The following PRKCH variants were observed in gnomAD, a reference collection of about 807,000 sequenced individuals.
The protein encoded by PRKCH is protein kinase C eta type.
A neutral mutation model predicts 82.5 loss-of-function variants in PRKCH; 28 were observed. The observed-to-expected ratio is 0.34, with a 90% CI of 0.25 to 0.47. PRKCH has a LOEUF of 0.47. Ranked by LOEUF, PRKCH falls within the 20% of genes least tolerant of loss-of-function variation. The pLI is 1.00. For synonymous variants in PRKCH, 322 were observed against 327.4 expected, an observed-to-expected ratio of 0.98 and a Z score of 0.18; for missense variants, 705 against 881.8, an observed-to-expected ratio of 0.80 and a Z score of 2.54.
chr14:61,429,837 G>A (rs1437565884), intron 2 of PRKCH, among the ~76,000 whole-genome samples: 1 of 152,070 alleles, frequency 6.6e-6, no homozygotes, highest in African/African-American at 2.4e-5. Flanking sequence ...TAAAAACTTG[G>A]CAGAAGTGTG....
chr14:61,276,283 G>C (rs2045200981), intron 1 of PRKCH, among the ~76,000 whole-genome samples: 1 of 151,656 alleles, frequency 6.6e-6, no homozygotes, highest in African/African-American at 2.4e-5. Flanking sequence ...AGCCAGCTCT[G>C]TTTTAGGTAG....
At chr14:61,262,219 T>TAAAAAAA (rs1297799647) in intron 1 of PRKCH, among the ~76,000 whole-genome samples, 6,067 of 106,238 alleles carry the variant, frequency 0.057, 308 homozygotes, top group Non-Finnish European at 0.082. Context: ...AGACTCTGTA[T>TAAAAAAA]AAAAAAAAAA....
intron 3 of PRKCH, among the ~76,000 whole-genome samples, chr14:61,445,067 C>T (rs75170890): frequency 6.6e-5 from 10 of 152,212 alleles, no homozygotes; most frequent in Admixed American, 2.6e-4. Context: ...CTGGCACATC[C>T]TATGGGCTTA....
chr14:61,197,045 G>T (rs952115170), intron 1 of PRKCH, among the ~76,000 whole-genome samples: 3 of 152,062 alleles, frequency 2.0e-5, no homozygotes, highest in African/African-American at 7.2e-5. Context: ...TCAACAACTT[G>T]CTCAGCCGTC....
Position 61,453,221 on chromosome 14 carries a change from T to G in PRKCH, c.833-5T>G. ...ACATGGATTCTGTTTTCCTTTTCCC[T>G]CTAGTATGTAAAATGAATGTGCATA... On this transcript the variant is annotated splice_polypyrimidine_tract_variant and splice_region_variant and intron_variant, in intron 6 of 13. Coordinates refer to ENST00000332981, the MANE Select transcript of PRKCH (RefSeq NM_006255.5). 6.2e-7 allele frequency: 1 copy of G among 1,614,194 alleles called. No individual in the cohort carries two copies. The highest frequency in any genetic ancestry group is 8.5e-7 in the Non-Finnish European group (1 of 1,180,012).
In PRKCH at chr14:61,485,506, G is replaced by T; in HGVS notation, c.1283G>T (p.Arg428Leu). 6.2e-7 allele frequency: 1 copy of T among 1,613,766 alleles called. No individual in the cohort carries two copies. Among genetic ancestry groups the T allele is most frequent in the Non-Finnish European group, 8.5e-7 (1 of 1,179,862 alleles). Reference protein sequence around the residue: ...QLFCCFQTPDRLFFVMEFVNG... With the variant: ...QLFCCFQTPDLLFFVMEFVNG... ...CTCTCTTGTGTTTGTATCCAGGATC[G>T]TCTGTTTTTTGTGATGGAGTTTGTG... Residue 428 changes from arginine (R) to leucine (L), a missense_variant, in exon 10 of 14, where the codon CGT (arginine) becomes CTT (leucine). By Grantham distance (102) the Arg-to-Leu change is moderately radical (BLOSUM62 -2). Around this residue, in one of 5 missense-constraint regions of PRKCH, gnomAD observed 238 missense variants for 258.1 expected, o/e 0.92. Transcript: ENST00000332981.
At chr14:61,201,715 A>T (rs771308699) in intron 1 of PRKCH, among the ~76,000 whole-genome samples, 2 of 152,232 alleles carry the variant, frequency 1.3e-5, no homozygotes, top group Non-Finnish European at 2.9e-5. Flanking sequence ...AGAACTAAAA[A>T]TAAAAACAGG....
rs1292251212 is a variant in PRKCH at position 61,550,362 on chromosome 14, T to A, written c.*531T>A. 1 of 152,352 alleles carries A rather than the reference T, an allele frequency of 6.6e-6. No homozygotes were observed. The highest frequency in any genetic ancestry group is 1.5e-5 in the Non-Finnish European group (1 of 68,100). The allele number at this position is 152,352 out of a possible 1,614,324, so 9.4% of individuals were successfully genotyped here. On this transcript the variant is annotated 3_prime_UTR_variant, in exon 14 of 14. Coordinates refer to ENST00000332981, the MANE Select transcript of PRKCH (RefSeq NM_006255.5). The stretch of plus-strand genomic sequence containing the variant: ...TACTCTGAAGAAACAAACAATGGTA[T>A]CTCTGAAACTCACAACCTAAAGCCC...
intron 1 of PRKCH, among the ~76,000 whole-genome samples, chr14:61,273,113 G>A (rs559624743): frequency 6.2e-4 from 94 of 152,146 alleles, no homozygotes; most frequent in Non-Finnish European, 9.9e-4. Flanking sequence ...AATATTCCAC[G>A]GTTTCCTATG....
intron 1 of PRKCH, among the ~76,000 whole-genome samples, chr14:61,212,326 GGTT>G (rs1283500249): frequency 1.3e-5 from 2 of 152,174 alleles, no homozygotes; most frequent in African/African-American, 4.8e-5. Context: ...GTTGCAGAGC[GGTT>G]GTAACTATGC....
intron 1 of PRKCH, among the ~76,000 whole-genome samples, chr14:61,266,087 G>C (rs1436216136): frequency 6.6e-6 from 1 of 151,326 alleles, no homozygotes; most frequent in Admixed American, 6.6e-5. Context: ...TTAAGAGGGA[G>C]AAAGAGTTTT....
At chr14:61,268,600 G>A (rs560298229) in intron 1 of PRKCH, among the ~76,000 whole-genome samples, 7 of 152,162 alleles carry the variant, frequency 4.6e-5, no homozygotes, top group African/African-American at 9.6e-5. Context: ...CCCGGGAGGC[G>A]GAGGTTACAG....
At chr14:61,299,515 C>T (rs2045433589) in intron 1 of PRKCH, among the ~76,000 whole-genome samples, 1 of 152,140 alleles carries the variant, frequency 6.6e-6, no homozygotes, top group Admixed American at 6.5e-5. Flanking sequence ...CCTGGGGCCA[C>T]CTGTGACCAA....
intron 1 of PRKCH, among the ~76,000 whole-genome samples, chr14:61,375,653 C>T (rs114708507): frequency 0.011 from 1,671 of 152,020 alleles, 41 homozygotes; most frequent in African/African-American, 0.039. Flanking sequence ...ACAACCAGAT[C>T]TCGTGAGAAC....
rs1425370269 is a variant in PRKCH, at chr14:61,512,135, C to T, written c.1434-16940C>T. Among the ~76,000 whole-genome samples the T allele has an allele frequency of 3.3e-5, 5 of 151,502 alleles. No homozygotes were observed. The South Asian group carries it at 1.0e-3, about 32-fold the overall frequency. ...GTCTGTGGTGCTTTCTTGTGTTCTACAAACTCTACGTGAGCATAGGCTGTC... is the reference window on the plus strand; with the variant it reads ...GTCTGTGGTGCTTTCTTGTGTTCTATAAACTCTACGTGAGCATAGGCTGTC... On this transcript the variant is annotated intron_variant, in intron 10 of 13. Coordinates refer to ENST00000332981, the MANE Select transcript of PRKCH (RefSeq NM_006255.5).
chr14:61,249,298 T>C (rs1014915215), intron 1 of PRKCH, among the ~76,000 whole-genome samples: 3 of 152,166 alleles, frequency 2.0e-5, no homozygotes, highest in African/African-American at 7.2e-5. Context: ...CTAACAATTA[T>C]GGCTGGGACA....
chr14:61,207,760 A>G (rs1023686047), intron 1 of PRKCH, among the ~76,000 whole-genome samples: 5 of 152,222 alleles, frequency 3.3e-5, no homozygotes, highest in African/African-American at 1.2e-4. Flanking sequence ...ATCAATACAG[A>G]TAAGGAAGGT....
intron 2 of PRKCH, among the ~76,000 whole-genome samples, chr14:61,394,857 C>G (rs1391767862): frequency 6.6e-6 from 1 of 152,080 alleles, no homozygotes; most frequent in African/African-American, 2.4e-5. Flanking sequence ...TAAGCTAGTC[C>G]TTTGTCTCTG....
chr14:61,200,241 G>T (rs2044469723), intron 1 of PRKCH, among the ~76,000 whole-genome samples: 1 of 152,112 alleles, frequency 6.6e-6, no homozygotes, highest in Non-Finnish European at 1.5e-5. Context: ...TGGATAAGAA[G>T]ATTACCATAA....
Sources: gnomAD v4.1 joint callset for allele counts (sites outside exome capture counted in the v4.1 genomes callset) on GRCh38, gnomAD v4.1.1 for gene constraint, gnomAD v4.1.1 regional missense constraint, MANE v1.5 for transcripts, NCBI Gene and HGNC (gene_info 2026-07-23, HGNC 2026-07-21) for gene names.